DCAF6: variants seen among roughly 807,000 people sequenced by gnomAD.
DCAF6 encodes DDB1- and CUL4-associated factor 6.
Under a neutral mutation model 125.1 loss-of-function variants are expected in DCAF6, and 54 were observed. That is an observed-to-expected ratio of 0.43 (90% CI 0.35 to 0.54). The LOEUF is 0.54. Among genes scored for constraint, DCAF6 ranks in the 20% least tolerant of loss-of-function variants. DCAF6 has a pLI of 0.01. For synonymous variants in DCAF6, 371 were observed against 390.4 expected (o/e 0.95, Z 0.58); for missense variants, 934 against 1,161.7 (o/e 0.80, Z 2.85).
intron 2 of DCAF6, among the ~76,000 whole-genome samples, chr1:167,965,230 C>T (rs1345219478): frequency 1.3e-5 from 2 of 152,166 alleles, no homozygotes; most frequent in Admixed American, 1.3e-4. Context: ...ACTTAAAGAG[C>T]CTATACGTCT....
chr1:168,004,826 A>T (rs759921884), intron 10 of DCAF6, 33 bp downstream of exon 10: 1 of 1,587,960 alleles, frequency 6.3e-7, no homozygotes, highest in Admixed American at 1.8e-5. Context: ...TCATCTAATG[A>T]TTTTTGATAG....
the DCAF6 span, chr1:167,904,598 T>G: frequency 2.1e-6 from 1 of 466,246 alleles, no homozygotes; most frequent in Non-Finnish European, 3.8e-6. Flanking sequence ...ACACACACAT[T>G]TCAAACACTT....
upstream of DCAF6, among the ~76,000 whole-genome samples, chr1:167,933,793 C>G (rs1392100350): frequency 6.6e-6 from 1 of 152,212 alleles, no homozygotes; most frequent in African/African-American, 2.4e-5. Flanking sequence ...GGTGTGCCTC[C>G]AACTTGTCGA....
intron 21 of DCAF6, among the ~76,000 whole-genome samples, chr1:168,071,095 T>C (rs1206686727): frequency 1.3e-5 from 2 of 152,228 alleles, no homozygotes; most frequent in Non-Finnish European, 2.9e-5. Flanking sequence ...CTAATATTTA[T>C]ATACCCTTGA....
chr1:167,948,212 G>A (rs1384583654), intron 1 of DCAF6, among the ~76,000 whole-genome samples: 6 of 149,876 alleles, frequency 4.0e-5, no homozygotes, highest in Non-Finnish European at 8.9e-5. Context: ...TTTGACTTCA[G>A]ACAGTCTGAT....
At chr1:167,973,828 T>C (rs894222421) in intron 3 of DCAF6, among the ~76,000 whole-genome samples, 6 of 152,324 alleles carry the variant, frequency 3.9e-5, no homozygotes, top group Admixed American at 2.6e-4. Context: ...TTTACTGTTA[T>C]AAATAACTCA....
chr1:168,051,633 A>G (rs188486679), intron 17 of DCAF6, among the ~76,000 whole-genome samples: 1 of 152,238 alleles, frequency 6.6e-6, no homozygotes, highest in East Asian at 1.9e-4. Context: ...ATATAGCAAC[A>G]ATCAGAAATG....
chr1:167,884,133 T>A, the DCAF6 span, among the ~76,000 whole-genome samples: 2 of 152,220 alleles, frequency 1.3e-5, no homozygotes, highest in Non-Finnish European at 2.9e-5. Flanking sequence ...TAGTTATTTT[T>A]AAAATGTATG....
intron 1 of DCAF6, among the ~76,000 whole-genome samples, chr1:167,937,514 G>T (rs1265431779): frequency 6.6e-6 from 1 of 152,046 alleles, no homozygotes; most frequent in African/African-American, 2.4e-5. Context: ...TTTTTGCGGC[G>T]CTGAGCCAAA....
intron 16 of DCAF6, among the ~76,000 whole-genome samples, chr1:168,048,739 T>G (rs1689449942): frequency 6.6e-6 from 1 of 152,188 alleles, no homozygotes; most frequent in African/African-American, 2.4e-5. Context: ...ATAGTAAATA[T>G]TTTGGCTTTG....
intron 10 of DCAF6, among the ~76,000 whole-genome samples, chr1:168,013,488 A>G (rs540606023): frequency 6.6e-6 from 1 of 152,194 alleles, no homozygotes; most frequent in East Asian, 1.9e-4. Flanking sequence ...CTACCACCAA[A>G]TCTCACTATT....
chr1:167,904,953 T>C, the DCAF6 span: 3 of 1,613,940 alleles, frequency 1.9e-6, no homozygotes, highest in African/African-American at 2.7e-5. Context: ...CGCGAGCCTG[T>C]TGCTCATCCA....
At chr1:168,004,873 A>T (rs1358479580) in intron 10 of DCAF6, 80 bp downstream of exon 10, 1 of 1,438,378 alleles carries the variant, frequency 7.0e-7, no homozygotes, top group African/African-American at 1.4e-5. Context: ...AAAGATACTA[A>T]ATCACATCAA....
At chr1:167,968,785 C>T (rs187146839) in intron 3 of DCAF6, among the ~76,000 whole-genome samples, 2 of 152,316 alleles carry the variant, frequency 1.3e-5, no homozygotes, top group African/African-American at 2.4e-5. Flanking sequence ...ACTGGCAAAG[C>T]TTAACATCAT....
chr1:167,981,918 G>T (rs1291317892), intron 4 of DCAF6, among the ~76,000 whole-genome samples: 2 of 152,176 alleles, frequency 1.3e-5, no homozygotes, highest in African/African-American at 4.8e-5. Context: ...TGGGTTGAAT[G>T]GTCATTCTAA....
chr1:168,003,945 A>G lies in DCAF6; in HGVS notation c.1073A>G (p.Glu358Gly), dbSNP rs1052623100. ...MLSRWFEEAS[E>G]VAQSNRGRGR... ...TCAAGATGGTTTGAAGAAGCAAGTG[A>G]GGTTGCACAAAGCAATAGAGGACGA... The change falls in exon 9 of 22, where the codon GAG becomes GGG. Residue 358 changes from glutamate (E) to glycine (G), a missense_variant. By Grantham distance (98) the Glu-to-Gly change is moderately conservative (BLOSUM62 -2). Around this residue, in one of 5 missense-constraint regions of DCAF6, gnomAD observed 559 missense variants for 635.5 expected, o/e 0.88. Transcript: ENST00000367840. 8.7e-6 allele frequency: 14 copies of G among 1,612,450 alleles called. No homozygotes were observed. The highest frequency in any genetic ancestry group is 1.2e-5 in the Non-Finnish European group (14 of 1,179,284).
chr1:168,018,301 T>C (rs961238380), intron 11 of DCAF6, among the ~76,000 whole-genome samples: 1 of 152,186 alleles, frequency 6.6e-6, no homozygotes, highest in East Asian at 1.9e-4. Flanking sequence ...CCAAATGATA[T>C]CACCTTAAGT....
intron 11 of DCAF6, 113 bp from the exon 12 acceptor site, chr1:168,022,875 T>A: frequency 9.8e-6 from 9 of 920,016 alleles, no homozygotes; most frequent in Non-Finnish European, 1.6e-5. Flanking sequence ...CCACAGTACT[T>A]ACTTCTATTC....
At chr1:168,062,913 C>CT (rs372896984) in intron 17 of DCAF6, among the ~76,000 whole-genome samples, 3,104 of 136,940 alleles carry the variant, frequency 0.023, 112 homozygotes, top group African/African-American at 0.073. Context: ...TATTAATATT[C>CT]TTTTTTTTTT....
Sources: allele counts gnomAD v4.1 joint callset (sites outside exome capture counted in the v4.1 genomes callset), GRCh38; gene constraint gnomAD v4.1.1; regional missense constraint gnomAD v4.1.1; transcripts MANE v1.5; gene names NCBI Gene and HGNC (gene_info 2026-07-23, HGNC 2026-07-21).